The following NALF1 variants were observed in gnomAD, a reference collection of about 807,000 sequenced individuals.
NALF1 encodes the protein NALCN channel auxiliary factor 1, also known as family with sequence similarity 155 member A.
In NALF1, 3 loss-of-function variants were observed where a neutral mutation model predicts 48.4. The ratio of observed to expected loss-of-function variants is 0.06; its 90% CI spans 0.03 to 0.16. The LOEUF (loss-of-function observed/expected upper bound fraction) is 0.16, where lower values mean the gene tolerates loss of function less well. Ranked by LOEUF, NALF1 falls within the 10% of genes least tolerant of loss-of-function variation. NALF1 has a pLI of 1.00. For missense variants in NALF1, 526 were observed against 571.5 expected, an observed-to-expected ratio of 0.92 and a Z score of 0.81; for synonymous variants, 262 against 245.7, an observed-to-expected ratio of 1.07 and a Z score of -0.62.
At chr13:107,436,560 A>G (rs1268976388) in intron 1 of NALF1, among the ~76,000 whole-genome samples, 1 of 152,214 alleles carries the variant, frequency 6.6e-6, no homozygotes, top group East Asian at 1.9e-4. Context: ...GAAACAACGA[A>G]TAAAAAGAAA....
At chr13:107,489,532 A>G (rs1885382501) in intron 1 of NALF1, among the ~76,000 whole-genome samples, 1 of 152,174 alleles carries the variant, frequency 6.6e-6, no homozygotes, top group African/African-American at 2.4e-5. Context: ...AGGATTCCCT[A>G]TTCAATAAAT....
intron 1 of NALF1, among the ~76,000 whole-genome samples, chr13:107,709,342 T>C (rs931413054): frequency 6.6e-6 from 1 of 152,206 alleles, no homozygotes; most frequent in African/African-American, 2.4e-5. Flanking sequence ...TGTTCATGCG[T>C]GTCAGCACGG....
chr13:107,700,584 G>A (rs1881795971), intron 1 of NALF1, among the ~76,000 whole-genome samples: 1 of 152,014 alleles, frequency 6.6e-6, no homozygotes, highest in Admixed American at 6.6e-5. Flanking sequence ...TGATTTCTAA[G>A]ATATTACACC....
chr13:107,330,187 TGTG>T (rs1179875581), intron 1 of NALF1, among the ~76,000 whole-genome samples: 2 of 152,102 alleles, frequency 1.3e-5, no homozygotes, highest in African/African-American at 4.8e-5. Context: ...CTGGAACACT[TGTG>T]GTATAAATTG....
chr13:107,490,533 G>A (rs912232790), intron 1 of NALF1, among the ~76,000 whole-genome samples: 3 of 152,112 alleles, frequency 2.0e-5, no homozygotes, highest in Non-Finnish European at 2.9e-5. Context: ...GACACACAGA[G>A]GGGAATAACA....
At chr13:107,372,290 T>C (rs1267078322) in intron 1 of NALF1, among the ~76,000 whole-genome samples, 1 of 152,276 alleles carries the variant, frequency 6.6e-6, no homozygotes, top group African/African-American at 2.4e-5. Flanking sequence ...CTGTGATGTC[T>C]GTGATTTCTA....
chr13:107,488,003 T>G (rs191054972), intron 1 of NALF1, among the ~76,000 whole-genome samples: 3 of 152,004 alleles, frequency 2.0e-5, no homozygotes, highest in Admixed American at 6.6e-5. Flanking sequence ...GTCTTGAGAG[T>G]GTATGTATCT....
intron 1 of NALF1, among the ~76,000 whole-genome samples, chr13:107,631,309 C>A (rs1305614487): frequency 1.3e-5 from 2 of 152,104 alleles, no homozygotes; most frequent in Admixed American, 1.3e-4. Context: ...ATACTGGAGA[C>A]CTTATGCACA....
chr13:107,280,056 T>C (rs1326920697), intron 1 of NALF1, among the ~76,000 whole-genome samples: 1 of 152,194 alleles, frequency 6.6e-6, no homozygotes, highest in Non-Finnish European at 1.5e-5. Flanking sequence ...CCTCCCAAAG[T>C]GCTGGGATTA....
intron 1 of NALF1, among the ~76,000 whole-genome samples, chr13:107,618,973 C>A (rs1472558057): frequency 1.3e-5 from 2 of 152,186 alleles, no homozygotes; most frequent in East Asian, 3.9e-4. Context: ...TCCTCACTAT[C>A]CAATATCAGG....
At chr13:107,459,915 T>G (rs1884890204) in intron 1 of NALF1, among the ~76,000 whole-genome samples, 1 of 152,182 alleles carries the variant, frequency 6.6e-6, no homozygotes, top group Non-Finnish European at 1.5e-5. Context: ...CTAATTTTTG[T>G]ATTCTTTGTA....
At chr13:107,290,316 T>C (rs976258876) in intron 1 of NALF1, among the ~76,000 whole-genome samples, 3 of 151,960 alleles carry the variant, frequency 2.0e-5, no homozygotes, top group African/African-American at 7.3e-5. Flanking sequence ...AAAATAGGAA[T>C]AAAGGGAGGA....
At chr13:107,460,626 T>G (rs1438686193) in intron 1 of NALF1, among the ~76,000 whole-genome samples, 1 of 152,202 alleles carries the variant, frequency 6.6e-6, no homozygotes. Flanking sequence ...CCTAGTGCTG[T>G]CTTCTGCAAG....
chr13:107,597,044 G>A (rs1878775093), intron 1 of NALF1, among the ~76,000 whole-genome samples: 1 of 152,118 alleles, frequency 6.6e-6, no homozygotes. Context: ...CTATTTGCTT[G>A]AGACATTTCG....
chr13:107,567,653 T>A (rs1027265580), intron 1 of NALF1, among the ~76,000 whole-genome samples: 2 of 152,190 alleles, frequency 1.3e-5, no homozygotes, highest in African/African-American at 4.8e-5. Context: ...GTACTTGTGG[T>A]TGAATGGGTG....
intron 1 of NALF1, among the ~76,000 whole-genome samples, chr13:107,538,645 T>G (rs1430410667): frequency 6.6e-6 from 1 of 152,126 alleles, no homozygotes; most frequent in Admixed American, 6.6e-5. Context: ...TCATAGATCC[T>G]GTTTCTCATT....
At chr13:107,618,560 G>A (rs1020184376) in intron 1 of NALF1, among the ~76,000 whole-genome samples, 1 of 152,202 alleles carries the variant, frequency 6.6e-6, no homozygotes, top group Non-Finnish European at 1.5e-5. Context: ...AGCTTTTGCA[G>A]CTCTCAGGTT....
rs577440419 is a variant in NALF1, at chr13:107,407,541, A to G, written c.916-196786T>C. ...ATCAATGATCATCAGAGAAATGCCA[A>G]TCAAAACTACTGTGAGATATTATCT... On this transcript the variant is annotated intron_variant, in intron 1 of 2. Coordinates refer to ENST00000375915, the MANE Select transcript of NALF1 (RefSeq NM_001080396.3). Among the ~76,000 whole-genome samples, 14 of 152,270 alleles carry G rather than the reference A, an allele frequency of 9.2e-5. No homozygotes were observed. The South Asian group carries it at 2.9e-3, about 32-fold the overall frequency.
chr13:107,702,200 T>G (rs1251673415), intron 1 of NALF1, among the ~76,000 whole-genome samples: 1 of 152,148 alleles, frequency 6.6e-6, no homozygotes, highest in East Asian at 1.9e-4. Flanking sequence ...TCACTTATTA[T>G]TTGAGTGACA....
Sources: gnomAD v4.1 joint callset for allele counts (sites outside exome capture counted in the v4.1 genomes callset) on GRCh38, gnomAD v4.1.1 for gene constraint, MANE v1.5 for transcripts, NCBI Gene and HGNC (gene_info 2026-07-23, HGNC 2026-07-21) for gene names.